HS6ST3: variants seen among roughly 807,000 people sequenced by gnomAD.
HS6ST3 encodes heparan sulfate 6-O-sulfotransferase 3.
A neutral mutation model predicts 36.7 loss-of-function variants in HS6ST3; 12 were observed. That is an observed-to-expected ratio of 0.33 (90% CI 0.21 to 0.53). HS6ST3 has a LOEUF of 0.53. Ranked by LOEUF, HS6ST3 falls within the 20% of genes least tolerant of loss-of-function variation. HS6ST3 has a pLI of 0.95. For missense variants in HS6ST3, 584 were observed against 640.9 expected, an observed-to-expected ratio of 0.91 and a Z score of 0.96; for synonymous variants, 240 against 257.5, an observed-to-expected ratio of 0.93 and a Z score of 0.65.
chr13:96,356,980 G>C (rs1235177886), intron 1 of HS6ST3, among the ~76,000 whole-genome samples: 2 of 148,832 alleles, frequency 1.3e-5, no homozygotes, highest in Non-Finnish European at 3.0e-5. Flanking sequence ...AGCACTTGCT[G>C]CTTCACCTTG....
intron 1 of HS6ST3, among the ~76,000 whole-genome samples, chr13:96,812,381 AG>A (rs1878334083): frequency 6.6e-6 from 1 of 152,100 alleles, no homozygotes; most frequent in Non-Finnish European, 1.5e-5. Context: ...AATTCAAGTT[AG>A]CTTCTTCTAG....
In HS6ST3 at chr13:96,259,257, A is replaced by G. The variant is rs147599336; in HGVS notation, c.707+167688A>G. ...AACTCAGGTGGTGGCAAATCATGAAAGGCCTTTCAAGACATGATAAGGCAC... is the reference window on the plus strand; with the variant it reads ...AACTCAGGTGGTGGCAAATCATGAAGGGCCTTTCAAGACATGATAAGGCAC... On this transcript the variant is annotated intron_variant, in intron 1 of 1. Coordinates refer to ENST00000376705, the MANE Select transcript of HS6ST3 (RefSeq NM_153456.4). Among the ~76,000 whole-genome samples, 1,080 of 152,240 alleles carry G rather than the reference A, an allele frequency of 7.1e-3. 13 individuals are homozygous for G. Among genetic ancestry groups the G allele is most frequent in the Admixed American group, 0.028 (422 of 15,284 alleles).
intron 1 of HS6ST3, among the ~76,000 whole-genome samples, chr13:96,256,744 G>T (rs2054639385): frequency 6.6e-6 from 1 of 152,208 alleles, no homozygotes; most frequent in South Asian, 2.1e-4. Context: ...GATGAGCTGT[G>T]CATGGTCATC....
intron 1 of HS6ST3, among the ~76,000 whole-genome samples, chr13:96,447,274 C>A (rs1420405144): frequency 6.6e-6 from 1 of 152,164 alleles, no homozygotes; most frequent in African/African-American, 2.4e-5. Flanking sequence ...TCTTCACCCC[C>A]TCCTCTTCCC....
At chr13:96,480,671 C>T (rs1410314976) in intron 1 of HS6ST3, among the ~76,000 whole-genome samples, 1 of 152,152 alleles carries the variant, frequency 6.6e-6, no homozygotes, top group Non-Finnish European at 1.5e-5. Flanking sequence ...GTTCTAGAGG[C>T]TTCTCTCCAC....
At chr13:96,142,017 G>A (rs1426098214) in intron 1 of HS6ST3, among the ~76,000 whole-genome samples, 1 of 120,176 alleles carries the variant, frequency 8.3e-6, no homozygotes, top group African/African-American at 3.3e-5. Flanking sequence ...AATCATGAAA[G>A]TGATTGTGGT....
At chr13:96,238,505 A>C (rs1410320118) in intron 1 of HS6ST3, among the ~76,000 whole-genome samples, 1 of 152,126 alleles carries the variant, frequency 6.6e-6, no homozygotes, top group Non-Finnish European at 1.5e-5. Flanking sequence ...TGCAAATGCG[A>C]CCTCATTCTT....
intron 1 of HS6ST3, among the ~76,000 whole-genome samples, chr13:96,143,529 A>T (rs1030669110): frequency 6.6e-6 from 1 of 151,320 alleles, no homozygotes; most frequent in South Asian, 2.1e-4. Context: ...ATTGCAAATG[A>T]TTATAATTGA....
At chr13:96,376,223 T>C (rs1369210074) in intron 1 of HS6ST3, among the ~76,000 whole-genome samples, 1 of 152,222 alleles carries the variant, frequency 6.6e-6, no homozygotes, top group Middle Eastern at 3.2e-3. Flanking sequence ...TACAAGTTTA[T>C]CTTTTATAGA....
At chr13:96,247,761 CAG>C (rs1400289029) in intron 1 of HS6ST3, among the ~76,000 whole-genome samples, 1 of 152,082 alleles carries the variant, frequency 6.6e-6, no homozygotes, top group Non-Finnish European at 1.5e-5. Context: ...ATCAGCATGA[CAG>C]TGTAACAGAG....
intron 1 of HS6ST3, among the ~76,000 whole-genome samples, chr13:96,592,627 T>TTTAA (rs1447048999): frequency 1.9e-4 from 29 of 151,920 alleles, no homozygotes; most frequent in Admixed American, 1.9e-3. Context: ...TCCTCAGCAT[T>TTTAA]TTATTTATTT....
chr13:96,620,270 G>T (rs2056489399), intron 1 of HS6ST3, among the ~76,000 whole-genome samples: 1 of 152,202 alleles, frequency 6.6e-6, no homozygotes, highest in Non-Finnish European at 1.5e-5. Context: ...TATTAAGTAT[G>T]GTTTAGTCAA....
intron 1 of HS6ST3, among the ~76,000 whole-genome samples, chr13:96,191,664 C>A (rs774076286): frequency 5.9e-5 from 9 of 152,134 alleles, no homozygotes; most frequent in Non-Finnish European, 1.3e-4. Flanking sequence ...ACGGTGTGAG[C>A]TGTTTGTCTT....
chr13:96,625,220 G>A (rs977909643), intron 1 of HS6ST3, among the ~76,000 whole-genome samples: 7 of 152,184 alleles, frequency 4.6e-5, no homozygotes, highest in East Asian at 1.9e-4. Context: ...CAACTCTCAT[G>A]ACACTCGTGG....
At chr13:96,495,610 G>C (rs1016476798) in intron 1 of HS6ST3, among the ~76,000 whole-genome samples, 3 of 152,130 alleles carry the variant, frequency 2.0e-5, no homozygotes, top group African/African-American at 4.8e-5. Flanking sequence ...TTAATGAAAA[G>C]AGCATATTGC....
intron 1 of HS6ST3, among the ~76,000 whole-genome samples, chr13:96,104,631 C>T (rs376371351): frequency 3.3e-5 from 5 of 152,212 alleles, no homozygotes; most frequent in East Asian, 1.9e-4. Flanking sequence ...ATATAGTCCA[C>T]TATCCCACTG....
At chr13:96,333,402 G>C (rs1043699870) in intron 1 of HS6ST3, among the ~76,000 whole-genome samples, 2 of 152,136 alleles carry the variant, frequency 1.3e-5, no homozygotes, top group Non-Finnish European at 2.9e-5. Context: ...TTTTTAGAGA[G>C]GACTGCTGTT....
chr13:96,112,578 A>AATAAATAAATAT (rs1366560422), intron 1 of HS6ST3, among the ~76,000 whole-genome samples: 1 of 81,224 alleles, frequency 1.2e-5, no homozygotes, highest in African/African-American at 4.9e-5. Flanking sequence ...AAAATAAATA[A>AATAAATAAATAT]ATATATATAT....
intron 1 of HS6ST3, among the ~76,000 whole-genome samples, chr13:96,764,698 G>A (rs1566447862): frequency 6.6e-6 from 1 of 152,174 alleles, no homozygotes; most frequent in East Asian, 1.9e-4. Context: ...CTTGCTGAGA[G>A]GTGAGAATGA....
Sources: allele counts gnomAD v4.1 joint callset (sites outside exome capture counted in the v4.1 genomes callset), GRCh38; gene constraint gnomAD v4.1.1; transcripts MANE v1.5; gene names NCBI Gene and HGNC (gene_info 2026-07-23, HGNC 2026-07-21).